Variants in KCNAB2 observed in about 807,000 individuals in gnomAD.
KCNAB2 encodes potassium voltage-gated channel subfamily A regulatory beta subunit 2.
In KCNAB2, 29 loss-of-function variants were observed where a neutral mutation model predicts 63.6. That is an observed-to-expected ratio of 0.46 (90% CI 0.34 to 0.62). The LOEUF (loss-of-function observed/expected upper bound fraction) is 0.62. Ranked by LOEUF, KCNAB2 falls within the 20% of genes least tolerant of loss-of-function variation. The pLI, the probability that KCNAB2 is intolerant of heterozygous loss-of-function variation, is 0.01. For synonymous variants in KCNAB2, 222 were observed against 224.2 expected (o/e 0.99, Z 0.09); for missense variants, 359 against 563.9 (o/e 0.64, Z 3.68).
At chr1:6,050,053 A>C (rs1661256546) in intron 1 of KCNAB2, among the ~76,000 whole-genome samples, 1 of 152,182 alleles carries the variant, frequency 6.6e-6, no homozygotes, top group Non-Finnish European at 1.5e-5. Flanking sequence ...CACCCCAGGA[A>C]AGGCCCAGCC....
chr1:5,999,328 A>C (rs1461250434), intron 1 of KCNAB2, among the ~76,000 whole-genome samples: 1 of 152,136 alleles, frequency 6.6e-6, no homozygotes, highest in African/African-American at 2.4e-5. Context: ...GCAGCTTAGC[A>C]AGCTCCTTGG....
rs377099434 is a variant in KCNAB2, at chr1:6,055,070, C to T, written c.218+3316C>T. On this transcript the variant is annotated intron_variant, in intron 2 of 15. Transcript: ENST00000378083. ...AGATGCTGGAAGGGACAGGAAAGGA[C>T]ACCTCATGAGGGTGTTTGGAGGGAA... Among the ~76,000 whole-genome samples the T allele has an allele frequency of 1.8e-4, 27 of 152,298 alleles. No homozygotes were observed. The East Asian group carries it at 4.6e-3, about 26-fold the overall frequency.
intron 1 of KCNAB2, among the ~76,000 whole-genome samples, chr1:6,027,820 C>T (rs910517625): frequency 6.6e-5 from 10 of 152,218 alleles, no homozygotes; most frequent in Admixed American, 1.3e-4. Context: ...CATCTGTCGC[C>T]GTGCCACTGG....
chr1:6,055,461 T>G (rs1661739084), intron 2 of KCNAB2, among the ~76,000 whole-genome samples: 1 of 151,536 alleles, frequency 6.6e-6, no homozygotes, highest in South Asian at 2.1e-4. Context: ...GTTCAAGCGA[T>G]TCTCCTGCCT....
chr1:6,079,848 G>T (rs1664048281), intron 4 of KCNAB2, among the ~76,000 whole-genome samples: 1 of 152,222 alleles, frequency 6.6e-6, no homozygotes, highest in African/African-American at 2.4e-5. Context: ...CTTGAAAAAG[G>T]TTAAAATAGT....
chr1:6,030,724 G>T (rs1245269704), upstream of KCNAB2, among the ~76,000 whole-genome samples: 1 of 151,220 alleles, frequency 6.6e-6, no homozygotes, highest in Non-Finnish European at 1.5e-5. Flanking sequence ...GTATGTGTAT[G>T]TTTATGTGTG....
Position 6,099,523 on chromosome 1 carries a change from A to T in KCNAB2, c.*949A>T. 1.1e-5 allele frequency: 4 copies of T among 352,894 alleles called. No individual in the cohort carries two copies. Among genetic ancestry groups the T allele is most frequent in the Non-Finnish European group, 1.5e-5 (3 of 196,360 alleles). 21.9% of individuals were successfully genotyped at this position (352,894 alleles called of 1,614,324 possible). The stretch of plus-strand genomic sequence containing the variant: ...TGCTGGCCACACCACGGCAAGTGGC[A>T]GCAGGGGCCGGCCCTGTGCACAAGG... On this transcript the variant is annotated 3_prime_UTR_variant, in exon 16 of 16. Coordinates refer to ENST00000378083, the MANE Select transcript of KCNAB2 (RefSeq NM_001199862.2).
intron 1 of KCNAB2, among the ~76,000 whole-genome samples, chr1:6,049,002 T>C (rs1661172840): frequency 6.6e-6 from 1 of 152,180 alleles, no homozygotes. Flanking sequence ...CATGCCAGGG[T>C]ACCCGCCTGC....
chr1:6,059,216 C>A (rs1042348649), intron 2 of KCNAB2, among the ~76,000 whole-genome samples: 1 of 152,034 alleles, frequency 6.6e-6, no homozygotes, highest in African/African-American at 2.4e-5. Context: ...GTTGAGACAG[C>A]GCCTTGCTCT....
rs1557503286 is a variant in KCNAB2, at chr1:6,086,530, G to A, written c.426-937G>A. Among the ~76,000 whole-genome samples the A allele has an allele frequency of 6.6e-6, 1 of 152,096 alleles. No individual in the cohort carries two copies. The highest frequency in any genetic ancestry group is 2.4e-5 in the African/African-American group (1 of 41,406). On this transcript the variant is annotated intron_variant, in intron 6 of 15. Coordinates refer to ENST00000378083, the MANE Select transcript of KCNAB2 (RefSeq NM_001199862.2). This position sits in a 1 kb window ranked among gnomAD's most constrained non-coding sequence, Gnocchi z 4.2. ...GTGAGCTGCTTCCCTGAGCAGCCCG[G>A]GACCCGGGTGGGAAAGAAGCTCAGC...
intron 2 of KCNAB2, among the ~76,000 whole-genome samples, chr1:6,056,024 G>T (rs375993288): frequency 6.6e-6 from 1 of 151,504 alleles, no homozygotes; most frequent in African/African-American, 2.4e-5. Context: ...GATGGAGGTG[G>T]ACGGCAGCAT....
chr1:6,022,198 A>AC (rs1447332171), intron 1 of KCNAB2, among the ~76,000 whole-genome samples: 10 of 149,880 alleles, frequency 6.7e-5, no homozygotes, highest in Non-Finnish European at 1.5e-4. Flanking sequence ...TTGAGTGCGT[A>AC]AATTCAGTGG....
At chr1:6,014,288 A>T (rs1658360158) in intron 1 of KCNAB2, among the ~76,000 whole-genome samples, 1 of 152,180 alleles carries the variant, frequency 6.6e-6, no homozygotes, top group Non-Finnish European at 1.5e-5. Context: ...GCTTCAGCGT[A>T]GGACTTGGTG....
At chr1:6,039,187 G>A (rs555209794) in intron 1 of KCNAB2, among the ~76,000 whole-genome samples, 7 of 152,294 alleles carry the variant, frequency 4.6e-5, no homozygotes, top group East Asian at 1.9e-4. Context: ...GAGAGGAGCC[G>A]CAAGCGCAAG....
upstream of KCNAB2, among the ~76,000 whole-genome samples, chr1:6,043,395 C>T (rs1660662261): frequency 6.6e-6 from 1 of 152,250 alleles, no homozygotes. Flanking sequence ...CAAAACCCCA[C>T]AGGCTCAACA....
At chr1:6,014,236 G>A (rs965572287) in intron 1 of KCNAB2, among the ~76,000 whole-genome samples, 7 of 152,156 alleles carry the variant, frequency 4.6e-5, no homozygotes, top group Non-Finnish European at 7.3e-5. Context: ...TACTGGGAGG[G>A]CACTTCCTGG....
chr1:6,047,945 G>A (rs74049367), intron 1 of KCNAB2, among the ~76,000 whole-genome samples: 4,138 of 152,292 alleles, frequency 0.027, 80 homozygotes, highest in South Asian at 0.095. Flanking sequence ...CCTCCGTGCC[G>A]CAGGGCTCCC....
chr1:5,993,198 G>T lies in KCNAB2; in HGVS notation c.-53+410G>T, dbSNP rs548845879. Among the ~76,000 whole-genome samples, 17 of 151,464 alleles carry T rather than the reference G, an allele frequency of 1.1e-4. No individual in the cohort carries two copies. The East Asian group carries it at 2.7e-3, about 24-fold the overall frequency. On this transcript the variant is annotated intron_variant, in intron 1 of 16. Transcript: ENST00000341524. Reference sequence around the variant, plus strand: ...GGCCTCTGCGCAGCCCCACCGGGGCGCTGCTGTTCCCGGTCCTCCCCATCT... The same window carrying T: ...GGCCTCTGCGCAGCCCCACCGGGGCTCTGCTGTTCCCGGTCCTCCCCATCT...
At chr1:6,045,861 G>A (rs1021473939), upstream of KCNAB2, 2 of 983,108 alleles carry the variant, frequency 2.0e-6, no homozygotes, top group African/African-American at 3.5e-5. This position sits in a 1 kb window ranked among gnomAD's most constrained non-coding sequence, Gnocchi z 4.8. Context: ...CCTCACCTTG[G>A]GCTGCACCCC....
Sources: allele counts gnomAD v4.1 joint callset (sites outside exome capture counted in the v4.1 genomes callset), GRCh38; gene constraint gnomAD v4.1.1; non-coding constraint Gnocchi (gnomAD v3.1); transcripts MANE v1.5; gene names NCBI Gene and HGNC (gene_info 2026-07-23, HGNC 2026-07-21).